Variants in FAT3 observed in about 807,000 individuals in gnomAD.
The protein encoded by FAT3 is FAT atypical cadherin 3.
A neutral mutation model predicts 310.2 loss-of-function variants in FAT3; 95 were observed. That is an observed-to-expected ratio of 0.31 (90% CI 0.26 to 0.36). The LOEUF (loss-of-function observed/expected upper bound fraction) is 0.36. FAT3 is among the 10% of genes least tolerant of loss of function. The pLI is 1.00. For synonymous variants in FAT3, 2,314 were observed against 2,192.9 expected, an observed-to-expected ratio of 1.06 and a Z score of -1.54; for missense variants, 5,408 against 5,715.6, an observed-to-expected ratio of 0.95 and a Z score of 1.74.
At chr11:92,829,338 C>G (rs952686011) in intron 13 of FAT3, among the ~76,000 whole-genome samples, 1 of 152,206 alleles carries the variant, frequency 6.6e-6, no homozygotes, top group East Asian at 1.9e-4. Flanking sequence ...GTACCATATG[C>G]TGGAGGTGGA....
chr11:92,693,769 T>A (rs1306105010), intron 3 of FAT3, among the ~76,000 whole-genome samples: 2 of 152,358 alleles, frequency 1.3e-5, no homozygotes, highest in Middle Eastern at 3.4e-3. Context: ...AAGATTTTGA[T>A]AACAAGATGT....
chr11:92,697,134 A>AT (rs1943967395), intron 3 of FAT3, among the ~76,000 whole-genome samples: 1 of 152,088 alleles, frequency 6.6e-6, no homozygotes, highest in African/African-American at 2.4e-5. Flanking sequence ...TTTTTTAGTG[A>AT]TTTTTTACAT....
At chr11:92,789,493 G>C (rs1946982763) in intron 7 of FAT3, among the ~76,000 whole-genome samples, 1 of 152,114 alleles carries the variant, frequency 6.6e-6, no homozygotes, top group South Asian at 2.1e-4. Context: ...AGCTGTGACT[G>C]CTCTGAGTCC....
At chr11:92,255,297 A>G (rs1173128125) in intron 1 of FAT3, among the ~76,000 whole-genome samples, 4 of 151,670 alleles carry the variant, frequency 2.6e-5, no homozygotes, top group Admixed American at 6.6e-5. Flanking sequence ...TAGTTTAAAA[A>G]TGTTTTAATT....
In FAT3 at chr11:92,483,562, G is replaced by A. The variant is rs866638794; in HGVS notation, c.3293-41072G>A. On this transcript the variant is annotated intron_variant, in intron 2 of 27. Coordinates refer to ENST00000525166, the MANE Select transcript of FAT3 (RefSeq NM_001367949.2). Reference sequence around the variant, plus strand: ...TCTACTAGACTGTGAGATCTCTGTGGGTATGTATCCTATCTCATTTATCTT... The same window carrying A: ...TCTACTAGACTGTGAGATCTCTGTGAGTATGTATCCTATCTCATTTATCTT... 4.6e-5 allele frequency among the ~76,000 whole-genome samples: 7 copies of A among 151,404 alleles called. No individual in the cohort carries two copies. In the South Asian group the frequency reaches 1.5e-3, roughly 32 times the overall value.
Position 92,799,287 on chromosome 11 carries a change from G to C in FAT3, c.6274G>C (p.Ala2092Pro), listed in dbSNP as rs762915146. ...PVFVGLPYYA[A>P]VQVDAEPGTL... ...CTTTGTGGGCCTCCCATACTATGCT[G>C]CTGTTCAAGTGGATGCGGAACCCGG... The change falls in exon 10 of 28, where the codon GCT becomes CCT. Residue 2092 changes from alanine (A) to proline (P), a missense_variant. Ala to Pro is a conservative substitution (Grantham distance 27). Coordinates refer to ENST00000525166, the MANE Select transcript of FAT3 (RefSeq NM_001367949.2). 1.2e-6 allele frequency: 2 copies of C among 1,613,968 alleles called. No individual in the cohort carries two copies. The highest frequency in any genetic ancestry group is 1.7e-6 in the Non-Finnish European group (2 of 1,179,888).
rs1368690929 is a variant in FAT3, at chr11:92,524,885, A to G, written c.3544A>G (p.Lys1182Glu). The change falls in exon 3 of 28, where the codon AAA becomes GAA. Residue 1182 changes from lysine (K) to glutamate (E), a missense_variant. Physicochemically the swap from Lys to Glu is moderately conservative, Grantham distance 56 (BLOSUM62 1). Around this residue, in one of 5 missense-constraint regions of FAT3, gnomAD observed 4,588 missense variants for 4,809.8 expected, o/e 0.95. Coordinates refer to ENST00000525166, the MANE Select transcript of FAT3 (RefSeq NM_001367949.2). ...AEDPDSSSNE[K>E]LTYRITSGNP... The stretch of plus-strand genomic sequence containing the variant: ...AGATCCTGACTCCAGTTCCAATGAA[A>G]AACTGACATACAGGATTACAAGTGG... 23 of 1,613,776 alleles carry G rather than the reference A, an allele frequency of 1.4e-5. No individual in the cohort carries two copies. The highest frequency in any genetic ancestry group is 2.7e-5 in the African/African-American group (2 of 74,914).
intron 3 of FAT3, among the ~76,000 whole-genome samples, chr11:92,676,406 G>A (rs1943289974): frequency 6.6e-6 from 1 of 152,158 alleles, no homozygotes; most frequent in African/African-American, 2.4e-5. Flanking sequence ...AATCAAAATA[G>A]TAAAGTTTGG....
intron 1 of FAT3, among the ~76,000 whole-genome samples, chr11:92,323,005 C>A (rs900132774): frequency 1.3e-5 from 2 of 151,884 alleles, no homozygotes; most frequent in African/African-American, 2.4e-5. Context: ...ATTTACTTTA[C>A]CAGATTCATC....
chr11:92,799,889 C>T lies in FAT3; in HGVS notation c.6876C>T (p.Tyr2292=), dbSNP rs1344938791. 2 of 1,612,960 alleles carry T rather than the reference C, an allele frequency of 1.2e-6. No homozygotes were observed. Among genetic ancestry groups the T allele is most frequent in the Non-Finnish European group, 1.7e-6 (2 of 1,179,468 alleles). Residue 2292 remains tyrosine (Y), a synonymous_variant, in exon 10 of 28, where the codon TAC becomes TAT. Coordinates refer to ENST00000525166, the MANE Select transcript of FAT3 (RefSeq NM_001367949.2). ...DNPPIFDQPT[Y]NTTLSEASLI... is the part of the protein sequence containing the mutation. The stretch of plus-strand genomic sequence containing the variant: ...CCCCTATTTTCGATCAGCCTACATA[C>T]AATACAACACTATCAGAAGCATCTC...
At position 92,891,101 on chromosome 11, in the gene FAT3, G is replaced by T. The variant is rs773738147; in HGVS notation, c.13758G>T (p.Gln4586His). Residue 4586 changes from glutamine to histidine, a missense_variant, in exon 28 of 28, where the codon CAG (glutamine) becomes CAT (histidine). Gln to His is a conservative substitution (Grantham distance 24, BLOSUM62 0). Transcript: ENST00000525166. ...LHIPFVETQH[Q>H]TQV Reference sequence around the variant, plus strand: ...TTCCCTTTGTGGAGACTCAGCATCAGACTCAAGTGTAGACATCACATCTTG... The same window carrying T: ...TTCCCTTTGTGGAGACTCAGCATCATACTCAAGTGTAGACATCACATCTTG... 3.4e-5 allele frequency: 55 copies of T among 1,613,420 alleles called. 1 individual carries two copies. In the Admixed American group the frequency reaches 6.8e-4, roughly 20 times the overall value.
rs61901532 is a variant in FAT3 at position 92,437,611 on chromosome 11, G to A, written c.3292+82207G>A. Among the ~76,000 whole-genome samples the A allele has an allele frequency of 9.7e-3, 1,483 of 152,206 alleles. 8 individuals are homozygous for A. The highest frequency in any genetic ancestry group is 0.016 in the Non-Finnish European group (1,081 of 68,018). ...ACATGGAGAAATCCACTCTGAGCTA[G>A]GCTTCAAAAAAGGAATCAATTTTCA... On this transcript the variant is annotated intron_variant, in intron 2 of 27. Transcript: ENST00000525166.
intron 1 of FAT3, among the ~76,000 whole-genome samples, chr11:92,274,740 C>T (rs1946218793): frequency 6.6e-6 from 1 of 152,004 alleles, no homozygotes. Context: ...TAAATATCAT[C>T]TTAATAGTCT....
At chr11:92,851,115 G>A (rs982905125) in intron 19 of FAT3, among the ~76,000 whole-genome samples, 3 of 152,200 alleles carry the variant, frequency 2.0e-5, no homozygotes, top group African/African-American at 2.4e-5. Flanking sequence ...TGACGCGGAT[G>A]AGTAACAAGC....
At chr11:92,448,703 A>G (rs1951279634) in intron 2 of FAT3, among the ~76,000 whole-genome samples, 1 of 152,286 alleles carries the variant, frequency 6.6e-6, no homozygotes, top group South Asian at 2.1e-4. Context: ...TCATTAATTT[A>G]TCTTCCTTGT....
In FAT3 at chr11:92,692,929, C is replaced by T. The variant is rs571583412; in HGVS notation, c.3608-4455C>T. ...GGCAGCAGATTACACAGCTGCGACC[C>T]AGGACACCCACAGGCAGAAAAATCA... On this transcript the variant is annotated intron_variant, in intron 3 of 27. Transcript: ENST00000525166. Among the ~76,000 whole-genome samples, 4 of 152,296 alleles carry T rather than the reference C, an allele frequency of 2.6e-5. No homozygotes were observed. In the East Asian group the frequency reaches 7.7e-4, roughly 29 times the overall value.
intron 23 of FAT3, 46 bp from the exon 24 acceptor site, chr11:92,882,692 T>G (rs2136406912): frequency 6.5e-7 from 1 of 1,530,236 alleles, no homozygotes; most frequent in Non-Finnish European, 8.8e-7. Context: ...TACCAACGTG[T>G]GTGCACTGGT....
chr11:92,847,478 A>T (rs1040329670), intron 19 of FAT3, among the ~76,000 whole-genome samples: 1 of 152,196 alleles, frequency 6.6e-6, no homozygotes, highest in Non-Finnish European at 1.5e-5. Flanking sequence ...TATCCCCATT[A>T]TTAAGCAATT....
At chr11:92,412,752 C>CATATATATATATATATAT (rs60426391) in intron 2 of FAT3, among the ~76,000 whole-genome samples, 1 of 24,274 alleles carries the variant, frequency 4.1e-5, no homozygotes, top group Non-Finnish European at 9.4e-5. Context: ...TATAAATATA[C>CATATATATATATATATAT]ATACATATAT....
Sources: allele counts gnomAD v4.1 joint callset (sites outside exome capture counted in the v4.1 genomes callset), GRCh38; gene constraint gnomAD v4.1.1; regional missense constraint gnomAD v4.1.1; transcripts MANE v1.5; gene names NCBI Gene and HGNC (gene_info 2026-07-23, HGNC 2026-07-21).